SHROOM2: variants seen among roughly 807,000 people sequenced by gnomAD.
SHROOM2 encodes the protein shroom family member 2, also known as protein Shroom2.
Under a neutral mutation model 75.9 loss-of-function variants are expected in SHROOM2, and 33 were observed. The observed-to-expected ratio is 0.43, with a 90% CI of 0.33 to 0.58. SHROOM2 has a LOEUF of 0.58. Ranked by LOEUF, SHROOM2 falls within the 20% of genes least tolerant of loss-of-function variation. The pLI is 0.04. For missense variants in SHROOM2, 1,434 were observed against 1,461.2 expected (o/e 0.98, Z 0.30); for synonymous variants, 655 against 663.6 (o/e 0.99, Z 0.20).
chrX:9,914,832 G>A (rs2084473022), intron 5 of SHROOM2, among the ~76,000 whole-genome samples: 1 of 111,960 alleles, frequency 8.9e-6, no homozygotes, highest in East Asian at 2.8e-4. Flanking sequence ...TCAGTCTGGT[G>A]GGCTCCTGCG....
At chrX:9,833,288 T>C (rs1210123493) in intron 1 of SHROOM2, among the ~76,000 whole-genome samples, 1 of 111,338 alleles carries the variant, frequency 9.0e-6, no homozygotes, top group Non-Finnish European at 1.9e-5. Flanking sequence ...ACACTTTTTG[T>C]CCAGTTTTCT....
intron 1 of SHROOM2, among the ~76,000 whole-genome samples, chrX:9,807,986 T>G (rs1156486877): frequency 8.9e-6 from 1 of 111,884 alleles, no homozygotes; most frequent in Non-Finnish European, 1.9e-5. Flanking sequence ...CCTGAGCACA[T>G]GCAGCCCCGA....
At chrX:9,827,217 C>G (rs28360685) in intron 1 of SHROOM2, among the ~76,000 whole-genome samples, 8 of 31,828 alleles carry the variant, frequency 2.5e-4, no homozygotes, top group African/African-American at 1.3e-3. Context: ...TGACATTTTT[C>G]TTTTTCTTTT....
At chrX:9,892,736 C>T (rs1265037112) in intron 3 of SHROOM2, among the ~76,000 whole-genome samples, 1 of 111,786 alleles carries the variant, frequency 8.9e-6, no homozygotes, top group Non-Finnish European at 1.9e-5. Flanking sequence ...CCAAACAGTC[C>T]TCTCCCTCCC....
chrX:9,833,529 C>A (rs141593907), intron 1 of SHROOM2, among the ~76,000 whole-genome samples: 280 of 110,464 alleles, frequency 2.5e-3, no homozygotes, highest in African/African-American at 8.7e-3. Context: ...AATTAGGGAC[C>A]TCATAACTAA....
chrX:9,815,434 ATGTGTGTGTGTG>A (rs56223508), intron 1 of SHROOM2, among the ~76,000 whole-genome samples: 7,370 of 88,447 alleles, frequency 0.083, 296 homozygotes, highest in Middle Eastern at 0.15. Flanking sequence ...TATACATATT[ATGTGTGTGTGTG>A]TGTGTGTGTG....
intron 1 of SHROOM2, among the ~76,000 whole-genome samples, chrX:9,808,245 T>C (rs1407120208): frequency 9.0e-6 from 1 of 110,558 alleles, no homozygotes; most frequent in African/African-American, 3.3e-5. Flanking sequence ...CACTTCTTTT[T>C]TCTTGAGTTT....
chrX:9,900,077 G>C (rs1025595828), intron 5 of SHROOM2, among the ~76,000 whole-genome samples: 6 of 111,190 alleles, frequency 5.4e-5, no homozygotes, highest in Non-Finnish European at 1.1e-4. Flanking sequence ...GAGGAAGCGG[G>C]GCCCCCTGCT....
At chrX:9,816,230 C>T (rs1375337766) in intron 1 of SHROOM2, among the ~76,000 whole-genome samples, 1 of 112,196 alleles carries the variant, frequency 8.9e-6, no homozygotes, top group Non-Finnish European at 1.9e-5. Context: ...AATAATGCTG[C>T]TGTGTGGACA....
intron 3 of SHROOM2, among the ~76,000 whole-genome samples, chrX:9,892,356 C>A (rs1330920753): frequency 2.7e-5 from 3 of 109,576 alleles, no homozygotes; most frequent in Non-Finnish European, 5.7e-5. Context: ...TATAACATTA[C>A]CCCTAAAGTG....
At chrX:9,900,052 T>C (rs2084357565) in intron 5 of SHROOM2, among the ~76,000 whole-genome samples, 1 of 111,566 alleles carries the variant, frequency 9.0e-6, no homozygotes, top group Admixed American at 9.5e-5. Flanking sequence ...GCACTGTCGA[T>C]ACTGAAAGGG....
At chrX:9,824,932 C>T (rs2083880436) in intron 1 of SHROOM2, among the ~76,000 whole-genome samples, 1 of 111,470 alleles carries the variant, frequency 9.0e-6, no homozygotes, top group African/African-American at 3.3e-5. Flanking sequence ...CTCCCTGGGA[C>T]CCCCATCTCG....
rs1337795841 is a variant in SHROOM2, at chrX:9,932,210, G to T, written c.2927G>T (p.Gly976Val). 10 of 1,141,128 alleles carry T rather than the reference G, an allele frequency of 8.8e-6. No individual in the cohort carries two copies. Among genetic ancestry groups the T allele is most frequent in the East Asian group, 3.1e-5 (1 of 32,492 alleles). 94.0% of individuals were successfully genotyped at this position (1,141,128 alleles called of 1,213,427 possible). A position where few individuals can be genotyped will look rare whatever the true frequency, so the allele number is the denominator to read the frequency against. The change falls in exon 6 of 10, where the codon GGA becomes GTA. Residue 976 changes from glycine to valine, a missense_variant. This residue lies in a region of SHROOM2 where 1,340 missense variants were observed against 1,338.3 expected (regional missense o/e 1.00). Coordinates refer to ENST00000380913, the MANE Select transcript of SHROOM2 (RefSeq NM_001649.4). ...ADAQCREGSP[G>V]SQQHPPSQKA... The stretch of plus-strand genomic sequence containing the variant: ...GCCCAGTGTCGGGAAGGCAGCCCAG[G>T]ATCACAGCAGCACCCACCGAGTCAG...
At chrX:9,921,596 CCT>C (rs1181248686) in intron 5 of SHROOM2, among the ~76,000 whole-genome samples, 7 of 111,391 alleles carry the variant, frequency 6.3e-5, no homozygotes, top group Non-Finnish European at 1.1e-4. Flanking sequence ...AACTTTGTGC[CCT>C]CTCACCAATA....
chrX:9,829,051 T>C (rs2083902517), intron 1 of SHROOM2, among the ~76,000 whole-genome samples: 1 of 111,360 alleles, frequency 9.0e-6, no homozygotes, highest in South Asian at 3.7e-4. Flanking sequence ...TTAAACAGAT[T>C]CTCTCTCTGT....
intron 1 of SHROOM2, among the ~76,000 whole-genome samples, chrX:9,787,599 TGGTTTTCTC>T (rs1248701444): frequency 1.8e-5 from 2 of 112,584 alleles, no homozygotes; most frequent in East Asian, 5.6e-4. Context: ...GATAATTTAC[TGGTTTTCTC>T]GGCTTTCCTG....
chrX:9,858,351 G>C (rs2084084181), intron 1 of SHROOM2, among the ~76,000 whole-genome samples: 1 of 112,407 alleles, frequency 8.9e-6, no homozygotes, highest in South Asian at 3.7e-4. Flanking sequence ...CTGAGAAGCG[G>C]GGACACTTTG....
chrX:9,880,505 G>A (rs2084225772), intron 2 of SHROOM2, among the ~76,000 whole-genome samples: 1 of 113,068 alleles, frequency 8.8e-6, no homozygotes, highest in Non-Finnish European at 1.9e-5. Context: ...GGCAGGGAGA[G>A]GTGATATTGG....
chrX:9,872,347 G>A (rs1215908557), intron 1 of SHROOM2, among the ~76,000 whole-genome samples: 3 of 112,843 alleles, frequency 2.7e-5, no homozygotes, highest in South Asian at 3.6e-4. Flanking sequence ...GGTGGATCAC[G>A]AGGTCAGAGG....
Sources: allele counts gnomAD v4.1 joint callset (sites outside exome capture counted in the v4.1 genomes callset), GRCh38; gene constraint gnomAD v4.1.1; regional missense constraint gnomAD v4.1.1; transcripts MANE v1.5; gene names NCBI Gene and HGNC (gene_info 2026-07-23, HGNC 2026-07-21).